ENTPD1: variants seen among roughly 807,000 people sequenced by gnomAD.
ENTPD1 encodes ATP diphosphohydrolase.
ENTPD1 carries 33 observed loss-of-function variants against 57.0 expected under a neutral mutation model. That is an observed-to-expected ratio of 0.58 (90% CI 0.44 to 0.77). The LOEUF (loss-of-function observed/expected upper bound fraction) is 0.77. Ranked by LOEUF, ENTPD1 falls within the 30% of genes least tolerant of loss-of-function variation. ENTPD1 has a pLI of 0.00. For missense variants in ENTPD1, 501 were observed against 603.4 expected, an observed-to-expected ratio of 0.83 and a Z score of 1.78; for synonymous variants, 202 against 218.8, an observed-to-expected ratio of 0.92 and a Z score of 0.68.
At position 95,792,637 on chromosome 10, in the gene ENTPD1, C is replaced by G. The variant is rs756346173; in HGVS notation, c.17-30600C>G. 3.4e-4 allele frequency among the ~76,000 whole-genome samples: 51 copies of G among 152,162 alleles called. 1 individual carries two copies. The highest frequency in any genetic ancestry group is 2.6e-3 in the Admixed American group (39 of 15,276). On this transcript the variant is annotated intron_variant, in intron 1 of 9. Transcript: ENST00000371205. ...GGAAATTAGGCTGTTGCCTCTCTCT[C>G]CTGATTTCATGGAAGACCAGATAAC...
chr10:95,841,312 G>C (rs1312323047), intron 3 of ENTPD1, among the ~76,000 whole-genome samples: 1 of 152,066 alleles, frequency 6.6e-6, no homozygotes. Flanking sequence ...ACTTGAACCC[G>C]GGAGGCGGAG....
intron 1 of ENTPD1, among the ~76,000 whole-genome samples, chr10:95,719,697 TA>T (rs2139823402): frequency 6.6e-6 from 1 of 152,322 alleles, no homozygotes; most frequent in East Asian, 1.9e-4. Context: ...AACGGGCGGC[TA>T]AAAGTAAATC....
the ENTPD1 span, among the ~76,000 whole-genome samples, chr10:95,699,103 A>G: frequency 6.6e-6 from 1 of 152,140 alleles, no homozygotes; most frequent in Non-Finnish European, 1.5e-5. Context: ...TGAGCCAGGG[A>G]GGTTGAGGCT....
intron 1 of ENTPD1, among the ~76,000 whole-genome samples, chr10:95,734,818 G>A (rs1202875246): frequency 1.3e-5 from 2 of 152,168 alleles, no homozygotes; most frequent in Non-Finnish European, 2.9e-5. Flanking sequence ...TCAGTGTCAA[G>A]GCATCATGGC....
chr10:95,696,889 T>C, the ENTPD1 span, among the ~76,000 whole-genome samples: 1 of 152,312 alleles, frequency 6.6e-6, no homozygotes. Flanking sequence ...GACAACAAGT[T>C]CTGTCCTTTT....
At chr10:95,719,691 G>T (rs1043851775) in intron 1 of ENTPD1, among the ~76,000 whole-genome samples, 19 of 152,312 alleles carry the variant, frequency 1.2e-4, no homozygotes, top group African/African-American at 4.6e-4. Context: ...TTTCTGAACG[G>T]GCGGCTAAAA....
intron 1 of ENTPD1, among the ~76,000 whole-genome samples, chr10:95,717,139 G>T (rs2097972440): frequency 6.6e-6 from 1 of 152,212 alleles, no homozygotes; most frequent in Non-Finnish European, 1.5e-5. Context: ...AAAGTCTTTT[G>T]TTTATGATGC....
chr10:95,855,535 T>A (rs1287252367), intron 7 of ENTPD1, among the ~76,000 whole-genome samples: 2 of 151,034 alleles, frequency 1.3e-5, no homozygotes, highest in African/African-American at 4.9e-5. Context: ...CTAGCCTTGA[T>A]GGTCTTTACA....
intron 7 of ENTPD1, among the ~76,000 whole-genome samples, chr10:95,858,132 G>A (rs975951786): frequency 6.6e-6 from 1 of 151,208 alleles, no homozygotes; most frequent in African/African-American, 2.4e-5. Context: ...ACTCCAGCCT[G>A]GGCGACAGAG....
chr10:95,703,898 C>T, the ENTPD1 span, among the ~76,000 whole-genome samples: 1 of 151,678 alleles, frequency 6.6e-6, no homozygotes. Context: ...CATGACCAGC[C>T]TGGACAACAT....
At chr10:95,843,827 G>C (rs970021970) in intron 4 of ENTPD1, among the ~76,000 whole-genome samples, 1 of 152,154 alleles carries the variant, frequency 6.6e-6, no homozygotes, top group Non-Finnish European at 1.5e-5. Flanking sequence ...GCATCCTCTC[G>C]CTCAGAGACT....
intron 1 of ENTPD1, chr10:95,712,145 G>C: frequency 9.6e-7 from 1 of 1,037,390 alleles, no homozygotes; most frequent in Non-Finnish European, 1.4e-6. Flanking sequence ...TGGGTGTAGC[G>C]ACTCTGGTGT....
chr10:95,822,220 G>T (rs1476248793), intron 1 of ENTPD1, among the ~76,000 whole-genome samples: 1 of 151,814 alleles, frequency 6.6e-6, no homozygotes, highest in Non-Finnish European at 1.5e-5. Context: ...GGATAGTCTT[G>T]ATCTGTTGAC....
At chr10:95,786,374 CA>C (rs1474777097) in intron 1 of ENTPD1, among the ~76,000 whole-genome samples, 2 of 152,090 alleles carry the variant, frequency 1.3e-5, no homozygotes, top group African/African-American at 4.8e-5. Context: ...GTACTTTGAG[CA>C]CAGAGACTTC....
chr10:95,815,438 C>T (rs1443486093), intron 1 of ENTPD1, among the ~76,000 whole-genome samples: 1 of 152,184 alleles, frequency 6.6e-6, no homozygotes, highest in Non-Finnish European at 1.5e-5. Context: ...AAAGGTAGGA[C>T]ATTGGTATCC....
rs1442181629 is a variant in ENTPD1 at position 95,869,025 on chromosome 10, G to A, written c.*2642G>A. 3.0e-6 allele frequency: 3 copies of A among 985,280 alleles called. No homozygotes were observed. The African/African-American group carries it at 5.2e-5, about 17-fold the overall frequency. 61.0% of individuals were successfully genotyped at this position (985,280 alleles called of 1,614,324 possible). ...CTTTGGGCCACTCTGGGTGGGGTAGGTGAAATAAGATTGGTCACTGTTAAC... is the reference window on the plus strand; with the variant it reads ...CTTTGGGCCACTCTGGGTGGGGTAGATGAAATAAGATTGGTCACTGTTAAC... On this transcript the variant is annotated 3_prime_UTR_variant, in exon 10 of 10. Coordinates refer to ENST00000371205, the MANE Select transcript of ENTPD1 (RefSeq NM_001776.6).
intron 1 of ENTPD1, among the ~76,000 whole-genome samples, chr10:95,762,292 G>A (rs367673111): frequency 6.7e-6 from 1 of 148,970 alleles, no homozygotes; most frequent in Non-Finnish European, 1.5e-5. Context: ...GAGGATACAA[G>A]TAACATAGCA....
chr10:95,800,506 C>G (rs968438817), intron 1 of ENTPD1, among the ~76,000 whole-genome samples: 1 of 152,094 alleles, frequency 6.6e-6, no homozygotes, highest in Non-Finnish European at 1.5e-5. Flanking sequence ...TAGAATTTAC[C>G]AGGCTGGAAT....
At position 95,847,619 on chromosome 10, in the gene ENTPD1, C is replaced by T; in HGVS notation, c.987C>T (p.Ile329=). ...ACTATCAACAATGCCATCAAAGCAT[C>T]CTGGAGCTCTTCAACACCAGTTACT... ...IGNYQQCHQS[I]LELFNTSYCP... is the part of the protein sequence containing the mutation. Residue 329 remains isoleucine (I), a synonymous_variant, in exon 7 of 10, where the codon ATC becomes ATT. Coordinates refer to ENST00000371205, the MANE Select transcript of ENTPD1 (RefSeq NM_001776.6). The T allele has an allele frequency of 1.2e-6, 2 of 1,614,194 alleles. No homozygotes were observed. Among genetic ancestry groups the T allele is most frequent in the Non-Finnish European group, 1.7e-6 (2 of 1,180,028 alleles).
Sources: gnomAD v4.1 joint callset for allele counts (sites outside exome capture counted in the v4.1 genomes callset) on GRCh38, gnomAD v4.1.1 for gene constraint, MANE v1.5 for transcripts, NCBI Gene and HGNC (gene_info 2026-07-23, HGNC 2026-07-21) for gene names.